Variants in DNAH7 observed in about 807,000 individuals in gnomAD.
DNAH7 encodes the protein dynein axonemal heavy chain 7.
Under a neutral mutation model 444.6 loss-of-function variants are expected in DNAH7, and 397 were observed. The ratio of observed to expected loss-of-function variants is 0.89; its 90% confidence interval spans 0.82 to 0.97. The LOEUF (loss-of-function observed/expected upper bound fraction) is 0.97, where lower values mean the gene tolerates loss of function less well. Among genes scored for constraint, DNAH7 ranks in the 50% least tolerant of loss-of-function variants. DNAH7 has a pLI of 0.00. For missense variants in DNAH7, 4,902 were observed against 4,800.8 expected (o/e 1.02, Z -0.62); for synonymous variants, 1,636 against 1,624.4 (o/e 1.01, Z -0.17).
rs564418943 is a variant in DNAH7 at position 195,746,524 on chromosome 2, C to A, written c.11765-5655G>T. ...ATAGACATCTACAGAACTCTCCACC[C>A]CAAATCAACAGAATATACATTTTTT... On this transcript the variant is annotated intron_variant, in intron 63 of 64. Coordinates refer to ENST00000312428, the MANE Select transcript of DNAH7 (RefSeq NM_018897.3). Among the ~76,000 whole-genome samples, 7 of 152,292 alleles carry A rather than the reference C, an allele frequency of 4.6e-5. No individual in the cohort carries two copies. In the South Asian group the frequency reaches 1.0e-3, roughly 23 times the overall value.
intron 10 of DNAH7, 85 bp downstream of exon 10, chr2:196,012,702 G>A (rs771266301): frequency 6.3e-5 from 85 of 1,341,588 alleles, no homozygotes; most frequent in Non-Finnish European, 8.5e-5. Context: ...ATTAAAATTG[G>A]ATCTTCTAAA....
chr2:195,880,306 T>C (rs1421124566), intron 36 of DNAH7, among the ~76,000 whole-genome samples: 1 of 151,648 alleles, frequency 6.6e-6, no homozygotes, highest in Admixed American at 6.6e-5. Flanking sequence ...AAAACGTTCA[T>C]TGCAATCTTC....
In DNAH7 at chr2:195,906,124, C is replaced by G. The variant is rs1406112464; in HGVS notation, c.4335+535G>C. ...ACCAAGCATACACAATAGTGTGTTT[C>G]CAGCATTGTAAAAAGGCATTTAAAA... On this transcript the variant is annotated intron_variant, in intron 27 of 64. Transcript: ENST00000312428. 3.9e-4 allele frequency among the ~76,000 whole-genome samples: 59 copies of G among 151,928 alleles called. 2 individuals carry two copies. Among genetic ancestry groups the G allele is most frequent in the Admixed American group, 3.9e-3 (59 of 15,230 alleles).
At position 196,048,624 on chromosome 2, in the gene DNAH7, T is replaced by C. The variant is rs1258876615; in HGVS notation, c.142-220A>G. 2.0e-5 allele frequency among the ~76,000 whole-genome samples: 3 copies of C among 152,186 alleles called. No homozygotes were observed. The East Asian group carries it at 5.8e-4, about 29-fold the overall frequency. On this transcript the variant is annotated intron_variant, in intron 3 of 64. Transcript: ENST00000312428. ...AGTCCTGCTGTTGGTTGGATGTGAA[T>C]GCCTGTTACCTAAAACCAGGGTCTT...
intron 47 of DNAH7, among the ~76,000 whole-genome samples, chr2:195,844,299 T>C (rs1057069064): frequency 1.3e-5 from 2 of 152,060 alleles, no homozygotes; most frequent in African/African-American, 2.4e-5. Flanking sequence ...CTACTGATAG[T>C]AGGAAATATC....
chr2:195,990,814 TATATATATACTTAAATATATATAC>T (rs1553600599), intron 12 of DNAH7, among the ~76,000 whole-genome samples: 36 of 120,466 alleles, frequency 3.0e-4, no homozygotes, highest in Admixed American at 6.5e-4. Flanking sequence ...TGTGTGTGTA[TATATATATACTTAAATATATATAC>T]ATATATATAC....
At position 195,829,034 on chromosome 2, in the gene DNAH7, A is replaced by C. The variant is rs1278530969; in HGVS notation, c.9101-4589T>G. Among the ~76,000 whole-genome samples the C allele has an allele frequency of 2.0e-5, 3 of 152,182 alleles. No individual in the cohort carries two copies. The East Asian group carries it at 5.8e-4, about 29-fold the overall frequency. ...CTTTCAGTTTTCCTGTCAGAGAAAA[A>C]GAGCTGTCGTACTTAAGCCTTCTCT... On this transcript the variant is annotated intron_variant, in intron 48 of 64. Coordinates refer to ENST00000312428, the MANE Select transcript of DNAH7 (RefSeq NM_018897.3).
chr2:195,839,740 C>T (rs1698569583), intron 47 of DNAH7, among the ~76,000 whole-genome samples: 1 of 151,688 alleles, frequency 6.6e-6, no homozygotes, highest in South Asian at 2.1e-4. Context: ...AAACAACTCT[C>T]TGGTCATACA....
chr2:196,047,253 G>C, intron 5 of DNAH7, 99 bp downstream of exon 5: 1 of 1,083,684 alleles, frequency 9.2e-7, no homozygotes, highest in Admixed American at 2.9e-5. Context: ...AAGCCTTTGA[G>C]GCACCCTTAG....
chr2:195,755,573 T>G (rs1165965757), intron 62 of DNAH7, among the ~76,000 whole-genome samples: 1 of 152,228 alleles, frequency 6.6e-6, no homozygotes, highest in African/African-American at 2.4e-5. Context: ...ATTTAACCAT[T>G]TTTATCCCTG....
intron 4 of DNAH7, among the ~76,000 whole-genome samples, 197 bp downstream of exon 4, chr2:196,048,099 T>C (rs897867201): frequency 3.9e-5 from 6 of 152,222 alleles, no homozygotes; most frequent in African/African-American, 7.2e-5. Context: ...TCAGCTCTTA[T>C]AGCATTTACA....
chr2:195,865,092 C>T (rs1319778714), intron 40 of DNAH7, 71 bp from the exon 41 acceptor site: 22 of 1,428,674 alleles, frequency 1.5e-5, no homozygotes, highest in Non-Finnish European at 2.0e-5. Flanking sequence ...TATATCTGTG[C>T]TAATCTCAGG....
chr2:195,906,895 C>T lies in DNAH7; in HGVS notation c.4207+12G>A. 1 of 1,611,318 alleles carries T rather than the reference C, an allele frequency of 6.2e-7. No homozygotes were observed. Among genetic ancestry groups the T allele is most frequent in the Non-Finnish European group, 8.5e-7 (1 of 1,178,372 alleles). The stretch of plus-strand genomic sequence containing the variant: ...TATTTTCACATAATGCAAAGACAAA[C>T]TAGTCCATTACCTCTTTGGATAGTA... On this transcript the variant is annotated intron_variant, in intron 26 of 64. Transcript: ENST00000312428.
At chr2:196,045,973 A>T (rs964814979) in intron 5 of DNAH7, among the ~76,000 whole-genome samples, 1 of 152,134 alleles carries the variant, frequency 6.6e-6, no homozygotes, top group Non-Finnish European at 1.5e-5. Context: ...ATTGAATTTC[A>T]GTAAGTCCAT....
chr2:195,864,421 C>T lies in DNAH7; in HGVS notation c.7234G>A (p.Val2412Ile), dbSNP rs1219054237. The change falls in exon 41 of 65, where the codon GTC becomes ATC. Residue 2412 changes from valine to isoleucine, a missense_variant. Val to Ile is a conservative substitution (Grantham distance 29). Transcript: ENST00000312428. ...TCCCCAGCATTTAGCAGATTACTGA[C>T]ATCTTCCAGAAAAGACTCTTCTTTA... ...QIKEESFLED[V>I]SNLLNAGEIP... 7 of 1,614,060 alleles carry T rather than the reference C, an allele frequency of 4.3e-6. No homozygotes were observed. The South Asian group carries it at 5.5e-5, about 13-fold the overall frequency.
At chr2:196,010,773 T>C (rs1227040272) in intron 10 of DNAH7, among the ~76,000 whole-genome samples, 1 of 152,136 alleles carries the variant, frequency 6.6e-6, no homozygotes, top group Non-Finnish European at 1.5e-5. Flanking sequence ...ACATAAAATA[T>C]AGTATATAAA....
At chr2:195,894,112 T>C (rs1702167787) in intron 30 of DNAH7, 1 of 152,144 alleles carries the variant, frequency 6.6e-6, no homozygotes, top group African/African-American at 2.4e-5. Context: ...CGTATCAGTT[T>C]GTATAATAAA....
intron 7 of DNAH7, 148 bp downstream of exon 7, chr2:196,026,612 C>G (rs1695705551): frequency 3.4e-6 from 2 of 588,764 alleles, no homozygotes; most frequent in African/African-American, 3.8e-5. Context: ...TGGAATTTGC[C>G]TAAGATCTTA....
At chr2:196,049,666 T>C (rs1243514690) in intron 3 of DNAH7, among the ~76,000 whole-genome samples, 2 of 152,116 alleles carry the variant, frequency 1.3e-5, no homozygotes, top group Non-Finnish European at 2.9e-5. Flanking sequence ...CCCATAAGAC[T>C]CAAAGAATGC....
Sources: allele counts gnomAD v4.1 joint callset (sites outside exome capture counted in the v4.1 genomes callset), GRCh38; gene constraint gnomAD v4.1.1; transcripts MANE v1.5; gene names NCBI Gene and HGNC (gene_info 2026-07-23, HGNC 2026-07-21).